SLC25A21: variants seen among roughly 807,000 people sequenced by gnomAD.
SLC25A21 encodes the protein mitochondrial 2-oxodicarboxylate carrier.
SLC25A21 carries 47 observed loss-of-function variants against 43.8 expected under a neutral mutation model. The ratio of observed to expected loss-of-function variants is 1.07; its 90% confidence interval spans 0.85 to 1.37. The LOEUF (loss-of-function observed/expected upper bound fraction) is 1.37. SLC25A21 is among the 40% of genes most tolerant of loss of function. SLC25A21 has a pLI of 0.00. For synonymous variants in SLC25A21, 131 were observed against 121.3 expected (o/e 1.08, Z -0.52); for missense variants, 352 against 350.2 (o/e 1.00, Z -0.04).
chr14:36,909,680 T>G (rs1283790548), intron 1 of SLC25A21, among the ~76,000 whole-genome samples: 2 of 152,198 alleles, frequency 1.3e-5, no homozygotes, highest in Non-Finnish European at 2.9e-5. Context: ...AAAAATTTAC[T>G]GGTAACATAA....
At chr14:36,897,767 C>G (rs993826791) in intron 1 of SLC25A21, among the ~76,000 whole-genome samples, 2 of 152,216 alleles carry the variant, frequency 1.3e-5, no homozygotes, top group Non-Finnish European at 2.9e-5. Flanking sequence ...GGACCCTCAG[C>G]TGCAGGTCTG....
chr14:37,126,858 T>C (rs2138899478), intron 1 of SLC25A21, among the ~76,000 whole-genome samples: 1 of 152,356 alleles, frequency 6.6e-6, no homozygotes, highest in South Asian at 2.1e-4. Context: ...GGTTCATTTT[T>C]TATAGAGTTC....
chr14:37,163,786 T>C (rs1337881620), intron 1 of SLC25A21, among the ~76,000 whole-genome samples: 1 of 152,192 alleles, frequency 6.6e-6, no homozygotes, highest in Non-Finnish European at 1.5e-5. Flanking sequence ...AGTAGAATGA[T>C]AACACTTTAA....
At chr14:36,963,081 T>C (rs1959532496) in intron 1 of SLC25A21, among the ~76,000 whole-genome samples, 1 of 152,174 alleles carries the variant, frequency 6.6e-6, no homozygotes, top group Non-Finnish European at 1.5e-5. Flanking sequence ...TCCATATTTT[T>C]TTGAGTCATT....
intron 1 of SLC25A21, among the ~76,000 whole-genome samples, chr14:37,023,101 A>G (rs1326408078): frequency 2.6e-5 from 4 of 151,944 alleles, no homozygotes. Flanking sequence ...ACACATCTCC[A>G]GGACAGTTTG....
intron 1 of SLC25A21, among the ~76,000 whole-genome samples, chr14:37,154,247 A>G (rs1279454803): frequency 6.6e-6 from 1 of 152,090 alleles, no homozygotes; most frequent in Non-Finnish European, 1.5e-5. Flanking sequence ...CCCAACCCAC[A>G]CAGATATCAC....
Position 36,916,200 on chromosome 14 carries a change from T to C in SLC25A21, c.71-41196A>G, listed in dbSNP as rs73254223. Among the ~76,000 whole-genome samples the C allele has an allele frequency of 6.8e-3, 1,039 of 152,336 alleles. 21 individuals carry two copies. The highest frequency in any genetic ancestry group is 0.023 in the African/African-American group (966 of 41,580). On this transcript the variant is annotated intron_variant, in intron 1 of 9. Coordinates refer to ENST00000331299, the MANE Select transcript of SLC25A21 (RefSeq NM_030631.4). ...AGAAAAGAACAGAGATCTAAAGATT[T>C]GGACTGTCGTCAATATGAGTGACCT...
intron 1 of SLC25A21, among the ~76,000 whole-genome samples, chr14:37,090,403 T>C (rs566610409): frequency 1.1e-4 from 17 of 152,314 alleles, no homozygotes; most frequent in African/African-American, 3.4e-4. Flanking sequence ...GCCATGTAGT[T>C]GGTGGGTCTC....
At chr14:37,010,588 T>C (rs190408780) in intron 1 of SLC25A21, among the ~76,000 whole-genome samples, 1 of 152,248 alleles carries the variant, frequency 6.6e-6, no homozygotes, top group African/African-American at 2.4e-5. Flanking sequence ...GTGACTTGGA[T>C]TCAGGCTTAG....
chr14:36,815,900 G>C (rs139773260), intron 2 of SLC25A21, among the ~76,000 whole-genome samples: 45 of 152,188 alleles, frequency 3.0e-4, no homozygotes, highest in African/African-American at 9.9e-4. Flanking sequence ...TTTTTAAAAA[G>C]AACTTTTCAA....
At chr14:37,101,403 G>A (rs900626366) in intron 1 of SLC25A21, among the ~76,000 whole-genome samples, 26 of 152,098 alleles carry the variant, frequency 1.7e-4, no homozygotes, top group African/African-American at 4.6e-4. Context: ...GATATACCCC[G>A]AATCTTGGCC....
At chr14:37,163,552 T>C (rs1411657033) in intron 1 of SLC25A21, among the ~76,000 whole-genome samples, 1 of 152,024 alleles carries the variant, frequency 6.6e-6, no homozygotes, top group African/African-American at 2.4e-5. Flanking sequence ...AATAACAATA[T>C]GAGAATGAAA....
chr14:37,043,948 T>G (rs571372389), intron 1 of SLC25A21, among the ~76,000 whole-genome samples: 20 of 150,858 alleles, frequency 1.3e-4, no homozygotes, highest in Admixed American at 2.6e-4. Context: ...TTGTTTTTTT[T>G]TTTTTTTTTG....
intron 1 of SLC25A21, among the ~76,000 whole-genome samples, chr14:36,878,303 A>G (rs951242518): frequency 6.6e-6 from 1 of 152,212 alleles, no homozygotes; most frequent in Non-Finnish European, 1.5e-5. Context: ...CAGGATCTCT[A>G]TGTGATTATT....
chr14:36,809,267 G>C (rs745406128), intron 3 of SLC25A21, among the ~76,000 whole-genome samples: 2 of 152,054 alleles, frequency 1.3e-5, no homozygotes, highest in Non-Finnish European at 2.9e-5. Flanking sequence ...TGATGATGAA[G>C]GTACTCTCAA....
At chr14:36,758,642 C>T (rs969309732) in intron 3 of SLC25A21, among the ~76,000 whole-genome samples, 1 of 148,380 alleles carries the variant, frequency 6.7e-6, no homozygotes, top group Non-Finnish European at 1.5e-5. Context: ...AATTCATCAA[C>T]TTGGTTTTAG....
intron 1 of SLC25A21, among the ~76,000 whole-genome samples, chr14:37,144,919 T>TGGG (rs1424398817): frequency 7.5e-6 from 1 of 132,508 alleles, no homozygotes; most frequent in Non-Finnish European, 1.6e-5. Flanking sequence ...ACGCCCAGCC[T>TGGG]GGGTGGTTGT....
At chr14:36,739,739 T>C (rs1594540626) in intron 3 of SLC25A21, among the ~76,000 whole-genome samples, 1 of 151,690 alleles carries the variant, frequency 6.6e-6, no homozygotes, top group Non-Finnish European at 1.5e-5. Flanking sequence ...GGGAGAATGT[T>C]GGTTACTGAC....
intron 1 of SLC25A21, among the ~76,000 whole-genome samples, chr14:37,086,543 CCAAA>C (rs1962490242): frequency 6.6e-6 from 1 of 152,164 alleles, no homozygotes; most frequent in Non-Finnish European, 1.5e-5. Context: ...AACTACTTAA[CCAAA>C]CTAAAGGCTG....
Sources: gnomAD v4.1 joint callset for allele counts (sites outside exome capture counted in the v4.1 genomes callset) on GRCh38, gnomAD v4.1.1 for gene constraint, MANE v1.5 for transcripts, NCBI Gene and HGNC (gene_info 2026-07-23, HGNC 2026-07-21) for gene names.